Variants in NEGR1 observed in about 807,000 individuals in gnomAD.
NEGR1 encodes IgLON family member 4.
In NEGR1, 10 loss-of-function variants were observed where a neutral mutation model predicts 40.9. The ratio of observed to expected loss-of-function variants is 0.24; its 90% CI spans 0.15 to 0.42. NEGR1 has a LOEUF of 0.42. Ranked by LOEUF, NEGR1 falls within the 10% of genes least tolerant of loss-of-function variation. The probability of loss-of-function intolerance (pLI) is 1.00; values close to 1 mark genes in which losing one functional copy is unlikely to be tolerated. For missense variants in NEGR1, 352 were observed against 438.9 expected, an observed-to-expected ratio of 0.80 and a Z score of 1.77; for synonymous variants, 185 against 166.8, an observed-to-expected ratio of 1.11 and a Z score of -0.84.
chr1:71,964,989 C>G (rs571278110), intron 1 of NEGR1, among the ~76,000 whole-genome samples: 1 of 152,212 alleles, frequency 6.6e-6, no homozygotes, highest in Admixed American at 6.5e-5. Flanking sequence ...CATGGTAATA[C>G]TATTCCTTTT....
chr1:72,096,130 A>G (rs1160251664), intron 1 of NEGR1, among the ~76,000 whole-genome samples: 1 of 152,074 alleles, frequency 6.6e-6, no homozygotes, highest in Non-Finnish European at 1.5e-5. Flanking sequence ...TAGATGATCA[A>G]TTTTCCAATT....
chr1:71,403,770 G>A lies in NEGR1; in HGVS notation c.*3676C>T. 1 of 368,136 alleles carries A rather than the reference G, an allele frequency of 2.7e-6. No homozygotes were observed. Among genetic ancestry groups the A allele is most frequent in the South Asian group, 1.3e-4 (1 of 7,476 alleles). 22.8% of individuals were successfully genotyped at this position (368,136 alleles called of 1,614,324 possible). A position where few individuals can be genotyped will look rare whatever the true frequency, so the allele number is the denominator to read the frequency against. Reference sequence around the variant, plus strand: ...TAAACTGAGTTTATATTCACCTATTGGAAACAGTACAACATATTTTACATC... The same window carrying A: ...TAAACTGAGTTTATATTCACCTATTAGAAACAGTACAACATATTTTACATC... On this transcript the variant is annotated 3_prime_UTR_variant, in exon 7 of 7. Transcript: ENST00000357731.
intron 3 of NEGR1, among the ~76,000 whole-genome samples, chr1:71,717,940 T>C (rs1310434506): frequency 2.2e-4 from 34 of 152,122 alleles, no homozygotes; most frequent in Admixed American, 2.2e-3. Flanking sequence ...TCTTCCCTCA[T>C]AGCTCTCAGA....
At chr1:71,595,067 T>G (rs1289512586) in intron 5 of NEGR1, among the ~76,000 whole-genome samples, 2 of 152,222 alleles carry the variant, frequency 1.3e-5, no homozygotes, top group Admixed American at 1.3e-4. Context: ...TCTGTCTTTC[T>G]GGGTGAATTA....
At chr1:72,072,219 A>G (rs1397185767) in intron 1 of NEGR1, among the ~76,000 whole-genome samples, 1 of 152,022 alleles carries the variant, frequency 6.6e-6, no homozygotes, top group Admixed American at 6.6e-5. Context: ...CTTTTTGTAC[A>G]TTCCTCAAGT....
chr1:71,539,553 T>C (rs1647621922), intron 6 of NEGR1, among the ~76,000 whole-genome samples: 1 of 151,722 alleles, frequency 6.6e-6, no homozygotes, highest in Non-Finnish European at 1.5e-5. Context: ...AGTAGATGTG[T>C]GTATATGATG....
At chr1:71,840,938 C>A (rs1459267092) in intron 2 of NEGR1, among the ~76,000 whole-genome samples, 1 of 152,132 alleles carries the variant, frequency 6.6e-6, no homozygotes, top group Non-Finnish European at 1.5e-5. Context: ...GAACTCATGG[C>A]GAGCAGCCTT....
intron 1 of NEGR1, among the ~76,000 whole-genome samples, chr1:72,101,542 T>A (rs1396283096): frequency 6.6e-6 from 1 of 152,220 alleles, no homozygotes; most frequent in Non-Finnish European, 1.5e-5. Flanking sequence ...CTCATACAGT[T>A]TGAATTCACC....
At chr1:72,013,842 T>G (rs1646682766) in intron 1 of NEGR1, among the ~76,000 whole-genome samples, 1 of 150,776 alleles carries the variant, frequency 6.6e-6, no homozygotes, top group South Asian at 2.1e-4. Flanking sequence ...AAAAAAAAGT[T>G]GAAAACCTAA....
chr1:72,278,425 A>C (rs375013788), intron 1 of NEGR1, among the ~76,000 whole-genome samples: 16 of 152,260 alleles, frequency 1.1e-4, no homozygotes, highest in African/African-American at 3.8e-4. Flanking sequence ...CACTGGGAGA[A>C]TGTAAATGAG....
chr1:72,112,690 GA>G (rs35420279), intron 1 of NEGR1, among the ~76,000 whole-genome samples: 2 of 150,030 alleles, frequency 1.3e-5, no homozygotes, highest in African/African-American at 4.9e-5. Flanking sequence ...GAGGGGGAAA[GA>G]AAAAAAAATG....
chr1:72,034,897 C>T (rs1646889155), intron 1 of NEGR1, among the ~76,000 whole-genome samples: 1 of 152,078 alleles, frequency 6.6e-6, no homozygotes, highest in Non-Finnish European at 1.5e-5. Flanking sequence ...AAACTAGGAG[C>T]TTTTATATGT....
At chr1:71,487,382 T>C (rs1366439818) in intron 6 of NEGR1, among the ~76,000 whole-genome samples, 1 of 151,776 alleles carries the variant, frequency 6.6e-6, no homozygotes, top group African/African-American at 2.4e-5. Flanking sequence ...CAGAGCTCTT[T>C]CCTGATGTGT....
At chr1:71,559,987 G>A (rs1486208144) in intron 6 of NEGR1, among the ~76,000 whole-genome samples, 1 of 151,256 alleles carries the variant, frequency 6.6e-6, no homozygotes, top group Non-Finnish European at 1.5e-5. Context: ...GGTTCTCTAA[G>A]TGTTATTGAA....
At chr1:71,905,255 T>G (rs555992076) in intron 2 of NEGR1, among the ~76,000 whole-genome samples, 2 of 152,222 alleles carry the variant, frequency 1.3e-5, no homozygotes, top group Middle Eastern at 6.8e-3. Flanking sequence ...ATAGAAATAT[T>G]TTATTAGTTT....
chr1:71,525,916 T>C (rs1351611037), intron 6 of NEGR1, among the ~76,000 whole-genome samples: 1 of 151,588 alleles, frequency 6.6e-6, no homozygotes, highest in Non-Finnish European at 1.5e-5. Flanking sequence ...CTTTGAAGCA[T>C]TGATCTATAT....
At chr1:72,179,335 G>A (rs1652281857) in intron 1 of NEGR1, among the ~76,000 whole-genome samples, 1 of 151,846 alleles carries the variant, frequency 6.6e-6, no homozygotes, top group Non-Finnish European at 1.5e-5. Context: ...TTATTTCTGG[G>A]TTCTCTCACC....
intron 4 of NEGR1, among the ~76,000 whole-genome samples, chr1:71,615,837 G>A (rs867041648): frequency 1.3e-5 from 2 of 152,186 alleles, no homozygotes; most frequent in African/African-American, 4.8e-5. Context: ...AGAGGAAACC[G>A]GCAGAATAAC....
At chr1:71,476,825 A>G (rs1032428931) in intron 6 of NEGR1, 6 of 152,126 alleles carry the variant, frequency 3.9e-5, no homozygotes, top group Admixed American at 2.0e-4. Flanking sequence ...GACTCTGCCC[A>G]TCTTCTTTTG....
Sources: gnomAD v4.1 joint callset for allele counts (sites outside exome capture counted in the v4.1 genomes callset) on GRCh38, gnomAD v4.1.1 for gene constraint, MANE v1.5 for transcripts, NCBI Gene and HGNC (gene_info 2026-07-23, HGNC 2026-07-21) for gene names.